Variants in PCNX2 observed in about 807,000 individuals in gnomAD.
PCNX2 encodes pecanex-like protein 2.
PCNX2 carries 168 observed loss-of-function variants against 223.8 expected under a neutral mutation model. The observed-to-expected ratio is 0.75, with a 90% CI of 0.66 to 0.85. PCNX2 has a LOEUF of 0.85. PCNX2 is among the 40% of genes least tolerant of loss of function. PCNX2 has a pLI of 0.00. For missense variants in PCNX2, 2,507 were observed against 2,675.5 expected (o/e 0.94, Z 1.39); for synonymous variants, 1,006 against 1,052.6 (o/e 0.96, Z 0.86).
chr1:233,295,041 C>A lies in PCNX2; in HGVS notation c.153+285G>T, dbSNP rs10752752. Among the ~76,000 whole-genome samples, 119,038 of 151,956 alleles carry A rather than the reference C, an allele frequency of 0.78. 47,694 individuals are homozygous for A. Among genetic ancestry groups the A allele is most frequent in the East Asian group, 1 (5,140 of 5,144 alleles). On this transcript the variant is annotated intron_variant, in intron 1 of 33. Coordinates refer to ENST00000258229, the MANE Select transcript of PCNX2 (RefSeq NM_014801.4). This position sits in a 1 kb window ranked among gnomAD's most constrained non-coding sequence, Gnocchi z 4.1. The stretch of plus-strand genomic sequence containing the variant: ...TTACCCACCTACAAAACAGGCTGCA[C>A]GCTCCCTGCCACAAGCAGAGTGACT...
intron 21 of PCNX2, among the ~76,000 whole-genome samples, chr1:233,130,973 T>C (rs1380098292): frequency 6.6e-6 from 1 of 152,102 alleles, no homozygotes; most frequent in Non-Finnish European, 1.5e-5. Context: ...TCTCACTCTC[T>C]CACTAATCAC....
chr1:233,134,225 T>C (rs371041424), intron 21 of PCNX2, among the ~76,000 whole-genome samples: 2 of 152,122 alleles, frequency 1.3e-5, no homozygotes, highest in East Asian at 3.9e-4. Flanking sequence ...CATCACTGAG[T>C]TTATTTACCA....
chr1:233,123,679 G>T (rs1426243496), intron 21 of PCNX2, among the ~76,000 whole-genome samples: 2 of 152,262 alleles, frequency 1.3e-5, no homozygotes, highest in East Asian at 3.9e-4. Flanking sequence ...ACTTGATGAA[G>T]GCAAGTCTCT....
At chr1:232,994,796 G>A (rs1226984376) in intron 32 of PCNX2, among the ~76,000 whole-genome samples, 1 of 152,086 alleles carries the variant, frequency 6.6e-6, no homozygotes, top group Non-Finnish European at 1.5e-5. Flanking sequence ...TTAAAGTGTG[G>A]CACTTCCTCA....
chr1:233,282,068 TCTG>T (rs1168695273), intron 1 of PCNX2, among the ~76,000 whole-genome samples: 1 of 152,178 alleles, frequency 6.6e-6, no homozygotes, highest in Non-Finnish European at 1.5e-5. Context: ...CAGTCTGGCT[TCTG>T]CTCCCCAACA....
intron 17 of PCNX2, among the ~76,000 whole-genome samples, chr1:233,175,137 C>T (rs1263680562): frequency 2.6e-5 from 4 of 151,718 alleles, no homozygotes; most frequent in African/African-American, 9.7e-5. Flanking sequence ...GCTGGAGACA[C>T]AGAGAAACAA....
chr1:233,203,016 A>C (rs904354723), intron 13 of PCNX2, among the ~76,000 whole-genome samples: 4 of 152,180 alleles, frequency 2.6e-5, no homozygotes, highest in Admixed American at 2.6e-4. Context: ...CCCATCTTCT[A>C]TCTGCTGGAA....
chr1:233,000,188 AGAG>A lies in PCNX2; in HGVS notation c.5328+114_5328+116del. The A allele has an allele frequency of 9.6e-7, 1 of 1,039,722 alleles. No homozygotes were observed. The highest frequency in any genetic ancestry group is 1.5e-6 in the Non-Finnish European group (1 of 672,852). The allele number at this position is 1,039,722 out of a possible 1,614,324, so 64.4% of individuals were successfully genotyped here. A position where few individuals can be genotyped will look rare whatever the true frequency, so the allele number is the denominator to read the frequency against. ...CTCCTTCCAGAACATCCCTCTGAACAGAGGATGCTGGCACAGAGACTCCTGTGT... is the reference window on the plus strand; with the variant it reads ...CTCCTTCCAGAACATCCCTCTGAACAGATGCTGGCACAGAGACTCCTGTGT... On this transcript the variant is annotated intron_variant, in intron 30 of 33. Transcript: ENST00000258229. This position sits in a 1 kb window ranked among gnomAD's most constrained non-coding sequence, Gnocchi z 4.6.
chr1:233,105,949 T>A (rs922867188), intron 21 of PCNX2, among the ~76,000 whole-genome samples: 7 of 152,170 alleles, frequency 4.6e-5, no homozygotes, highest in Non-Finnish European at 1.0e-4. Context: ...AGGATCTAAA[T>A]GTAATCCTGG....
chr1:233,318,032 A>G, the PCNX2 span, among the ~76,000 whole-genome samples: 1 of 152,154 alleles, frequency 6.6e-6, no homozygotes, highest in South Asian at 2.1e-4. Flanking sequence ...ACACATACAC[A>G]CTTGCCCTAT....
chr1:233,197,414 A>T (rs1558332641), intron 15 of PCNX2, among the ~76,000 whole-genome samples: 2 of 152,172 alleles, frequency 1.3e-5, no homozygotes, highest in Non-Finnish European at 2.9e-5. Flanking sequence ...AAGGACTCAG[A>T]AAATACTCAT....
chr1:233,205,898 G>C (rs550089525), intron 13 of PCNX2, among the ~76,000 whole-genome samples: 4 of 152,190 alleles, frequency 2.6e-5, no homozygotes, highest in Non-Finnish European at 5.9e-5. Flanking sequence ...TATTACAAGT[G>C]TGAGCAGATT....
chr1:233,248,202 G>A (rs139103999), intron 8 of PCNX2, among the ~76,000 whole-genome samples: 4 of 152,026 alleles, frequency 2.6e-5, no homozygotes, highest in African/African-American at 9.6e-5. Flanking sequence ...CAGAGTCCTC[G>A]GGGTCACCTG....
intron 25 of PCNX2, among the ~76,000 whole-genome samples, chr1:233,047,133 C>T (rs1005140312): frequency 7.2e-5 from 11 of 152,294 alleles, no homozygotes; most frequent in African/African-American, 2.6e-4. Context: ...CATCTACCTG[C>T]TGAATGAAAC....
At chr1:233,009,878 C>A (rs1670404826) in intron 28 of PCNX2, among the ~76,000 whole-genome samples, 1 of 152,188 alleles carries the variant, frequency 6.6e-6, no homozygotes, top group African/African-American at 2.4e-5. Flanking sequence ...ATACGCCAGG[C>A]CCAGGTGGGA....
rs1670060466 is a variant in PCNX2, at chr1:233,000,938, T to C, written c.5098-403A>G. 1.3e-5 allele frequency among the ~76,000 whole-genome samples: 2 copies of C among 152,216 alleles called. No individual in the cohort carries two copies. The highest frequency in any genetic ancestry group is 4.8e-5 in the African/African-American group (2 of 41,460). ...TATCTGGACGGCTTCAATGCTTAGT[T>C]ACCTAAGTAATAAACCCACTTACAG... On this transcript the variant is annotated intron_variant, in intron 29 of 33. Transcript: ENST00000258229. This position sits in a 1 kb window ranked among gnomAD's most constrained non-coding sequence, Gnocchi z 4.6.
chr1:233,174,186 GTATT>G (rs1053194883), intron 17 of PCNX2, among the ~76,000 whole-genome samples: 6 of 99,202 alleles, frequency 6.0e-5, no homozygotes, highest in Non-Finnish European at 9.2e-5. Context: ...TAATAAATAT[GTATT>G]TAATTTATAT....
At chr1:233,247,400 T>C (rs1172389420) in intron 8 of PCNX2, among the ~76,000 whole-genome samples, 2 of 152,236 alleles carry the variant, frequency 1.3e-5, no homozygotes, top group African/African-American at 2.4e-5. Context: ...TATTTCACTT[T>C]ATCTTTGAAG....
intron 1 of PCNX2, among the ~76,000 whole-genome samples, chr1:233,278,389 G>A (rs1283923636): frequency 6.6e-6 from 1 of 152,182 alleles, no homozygotes; most frequent in Non-Finnish European, 1.5e-5. Flanking sequence ...AGGCCTCTCT[G>A]GGGACTCTTG....
Sources: gnomAD v4.1 joint callset for allele counts (sites outside exome capture counted in the v4.1 genomes callset) on GRCh38, gnomAD v4.1.1 for gene constraint, Gnocchi (gnomAD v3.1) non-coding constraint, MANE v1.5 for transcripts, NCBI Gene and HGNC (gene_info 2026-07-23, HGNC 2026-07-21) for gene names.